The following COL6A6 variants were observed in gnomAD, a reference collection of about 807,000 sequenced individuals.
The protein encoded by COL6A6 is collagen type VI alpha 6 chain.
In COL6A6, 183 loss-of-function variants were observed where a neutral mutation model predicts 208.6. That is an observed-to-expected ratio of 0.88 (90% CI 0.78 to 0.99). The LOEUF is 0.99. Among genes scored for constraint, COL6A6 ranks in the 50% least tolerant of loss-of-function variants. The pLI, the probability that COL6A6 is intolerant of heterozygous loss-of-function variation, is 0.00. For synonymous variants in COL6A6, 973 were observed against 1,011.8 expected (o/e 0.96, Z 0.73); for missense variants, 2,816 against 2,815.2 (o/e 1.00, Z -0.01).
chr3:130,574,369 G>A lies in COL6A6; in HGVS notation c.3391G>A (p.Asp1131Asn), dbSNP rs1202254355. ...GGAAGCCCTGAGACACAGAGGTATC[G>A]ACATCTACTCCGTGGGCATTGGGGA... ...AAEALRHRGI[D>N]IYSVGIGDVD... Residue 1131 changes from aspartate to asparagine, a missense_variant, in exon 8 of 37, where the codon GAC becomes AAC. Asp to Asn is a conservative substitution (Grantham distance 23). Coordinates refer to ENST00000358511, the MANE Select transcript of COL6A6 (RefSeq NM_001102608.3). The A allele has an allele frequency of 3.1e-6, 5 of 1,614,004 alleles. No homozygotes were observed. Among genetic ancestry groups the A allele is most frequent in the Admixed American group, 1.7e-5 (1 of 60,030 alleles).
chr3:130,618,621 T>C (rs1424279811), intron 23 of COL6A6, among the ~76,000 whole-genome samples: 1 of 152,224 alleles, frequency 6.6e-6, no homozygotes, highest in African/African-American at 2.4e-5. Flanking sequence ...CCAGCAGTGT[T>C]TGAGTAGGTG....
In COL6A6 at chr3:130,673,216, AC is replaced by A. The variant is rs66684999; in HGVS notation, c.6597-1985del. 1.6e-4 allele frequency among the ~76,000 whole-genome samples: 15 copies of A among 94,170 alleles called. No homozygotes were observed. The South Asian group carries it at 2.4e-3, about 15-fold the overall frequency. The allele number at this position is 94,170 out of a possible 152,430, so 61.8% of individuals were successfully genotyped here. On this transcript the variant is annotated intron_variant, in intron 36 of 36. Coordinates refer to ENST00000358511, the MANE Select transcript of COL6A6 (RefSeq NM_001102608.3). The stretch of plus-strand genomic sequence containing the variant: ...CAAAAAAACAAAAAAAACAAAAAAA[AC>A]AAAAAAAAAAAACAAAACCCAAGTG...
chr3:130,560,473 T>C (rs2062858420), intron 2 of COL6A6, 45 bp downstream of exon 2: 1 of 1,504,416 alleles, frequency 6.6e-7, no homozygotes, highest in Non-Finnish European at 9.2e-7. Flanking sequence ...TTATAGAAAA[T>C]AGATAATACA....
intron 33 of COL6A6, among the ~76,000 whole-genome samples, chr3:130,655,484 CAAAT>C (rs1398347413): frequency 6.6e-6 from 1 of 152,090 alleles, no homozygotes; most frequent in Non-Finnish European, 1.5e-5. Context: ...AAAAATTACT[CAAAT>C]AAACTTGAAG....
intron 10 of COL6A6, among the ~76,000 whole-genome samples, chr3:130,585,089 T>A (rs905619680): frequency 6.6e-6 from 1 of 152,242 alleles, no homozygotes; most frequent in Non-Finnish European, 1.5e-5. Flanking sequence ...AGCCAAGTCC[T>A]TGAACATTTA....
intron 1 of COL6A6, among the ~76,000 whole-genome samples, chr3:130,552,268 C>G (rs1302898373): frequency 6.6e-6 from 1 of 152,162 alleles, no homozygotes; most frequent in South Asian, 2.1e-4. Context: ...GCGTGGCTAT[C>G]TAAATCTCTT....
At chr3:130,580,198 G>T (rs1177023831) in intron 8 of COL6A6, among the ~76,000 whole-genome samples, 1 of 152,144 alleles carries the variant, frequency 6.6e-6, no homozygotes, top group Non-Finnish European at 1.5e-5. Context: ...AAACTTTCAA[G>T]CTCAAGACAG....
At chr3:130,533,272 A>AAAG (rs10692681) in intron 1 of COL6A6, among the ~76,000 whole-genome samples, 1 of 118,890 alleles carries the variant, frequency 8.4e-6, no homozygotes, top group African/African-American at 2.7e-5. Flanking sequence ...AAAAAAAAAA[A>AAAG]GCAAAAACGG....
intron 7 of COL6A6, among the ~76,000 whole-genome samples, 162 bp downstream of exon 7, chr3:130,571,555 C>T (rs566073423): frequency 1.4e-4 from 22 of 152,342 alleles, no homozygotes; most frequent in Non-Finnish European, 2.4e-4. Context: ...GTTGGAAAGA[C>T]CTTGGGCATA....
In COL6A6 at chr3:130,606,967, G is replaced by A. The variant is rs533837767; in HGVS notation, c.4689+1G>A. 22 of 1,606,550 alleles carry A rather than the reference G, an allele frequency of 1.4e-5. No individual in the cohort carries two copies. The South Asian group carries it at 2.2e-4, about 16-fold the overall frequency. ...CAGAAGGGGACATACAGGCCCACAG[G>A]TACAATGATTTTTCCCCTTAACTCC... On this transcript the variant is annotated splice_donor_variant, in intron 21 of 36. Transcript: ENST00000358511. LOFTEE classifies it high-confidence loss of function.
chr3:130,606,950 G>T lies in COL6A6; in HGVS notation c.4673G>T (p.Gly1558Val). The T allele has an allele frequency of 6.2e-7, 1 of 1,609,894 alleles. No homozygotes were observed. The highest frequency in any genetic ancestry group is 8.5e-7 in the Non-Finnish European group (1 of 1,178,174). Residue 1558 changes from glycine (G) to valine (V), a missense_variant, in exon 21 of 37, where the codon GGA becomes GTA. Coordinates refer to ENST00000358511, the MANE Select transcript of COL6A6 (RefSeq NM_001102608.3). ...RRKTAAHGRR[G>V]HTGPQGTAGI... ...TTTTAGGCAGCTCATGGCAGAAGGG[G>T]ACATACAGGCCCACAGGTACAATGA...
chr3:130,595,149 G>A (rs191361599), intron 18 of COL6A6, among the ~76,000 whole-genome samples: 91 of 151,582 alleles, frequency 6.0e-4, no homozygotes, highest in Non-Finnish European at 4.6e-4. Flanking sequence ...GCCCTTGCAG[G>A]AGCACAACCC....
Position 130,675,391 on chromosome 3 carries a change from T to A in COL6A6, c.6786T>A (p.His2262Gln). ...GRMIESAPKQ[H>Q]D is the part of the protein sequence containing the mutation. ...TGATAGAAAGTGCTCCCAAACAACATGATTAAAAAAATGCTTGAACAACTT... is the reference window on the plus strand; with the variant it reads ...TGATAGAAAGTGCTCCCAAACAACAAGATTAAAAAAATGCTTGAACAACTT... The change falls in exon 37 of 37, where the codon CAT becomes CAA. Residue 2262 changes from histidine to glutamine, a missense_variant. Physicochemically the swap from His to Gln is conservative, Grantham distance 24. Transcript: ENST00000358511. The A allele has an allele frequency of 1.9e-6, 3 of 1,572,816 alleles. No homozygotes were observed. Among genetic ancestry groups the A allele is most frequent in the African/African-American group, 2.7e-5 (2 of 73,340 alleles).
At chr3:130,584,393 T>C (rs371914028) in intron 10 of COL6A6, among the ~76,000 whole-genome samples, 1 of 151,968 alleles carries the variant, frequency 6.6e-6, no homozygotes, top group South Asian at 2.1e-4. Flanking sequence ...TAAACACCAA[T>C]TGATGTACAA....
intron 1 of COL6A6, among the ~76,000 whole-genome samples, chr3:130,533,253 T>TTGAA (rs745978217): frequency 7.7e-6 from 1 of 129,530 alleles, no homozygotes; most frequent in Non-Finnish European, 1.6e-5. Flanking sequence ...TCCCAGGAAT[T>TTGAA]AAAAAAAAAA....
chr3:130,646,771 A>G (rs926955902), intron 32 of COL6A6, among the ~76,000 whole-genome samples: 5 of 152,236 alleles, frequency 3.3e-5, no homozygotes, highest in Non-Finnish European at 1.5e-5. Flanking sequence ...AGCTTTGCAC[A>G]TTATAAGGAG....
Position 130,568,562 on chromosome 3 carries a change from A to T in COL6A6, c.2359A>T (p.Ile787Phe), listed in dbSNP as rs776862405. 1 of 1,606,544 alleles carries T rather than the reference A, an allele frequency of 6.2e-7. No individual in the cohort carries two copies. Among genetic ancestry groups the T allele is most frequent in the Non-Finnish European group, 8.5e-7 (1 of 1,179,730 alleles). ...YVENFDILQR[I>F]EDDLVFGICS... ...TGAGAATTTTGACATTCTGCAGCGC[A>T]TTGAAGATGATCTTGTTTTTGGAAT... Residue 787 changes from isoleucine (I) to phenylalanine (F), a missense_variant, in exon 6 of 37, where the codon ATT (isoleucine) becomes TTT (phenylalanine). Physicochemically the swap from Ile to Phe is conservative, Grantham distance 21. Coordinates refer to ENST00000358511, the MANE Select transcript of COL6A6 (RefSeq NM_001102608.3).
Position 130,649,567 on chromosome 3 carries a change from G to A in COL6A6, c.5733+5G>A, listed in dbSNP as rs1016665992. On this transcript the variant is annotated splice_donor_5th_base_variant and intron_variant, in intron 33 of 36. Coordinates refer to ENST00000358511, the MANE Select transcript of COL6A6 (RefSeq NM_001102608.3). ...TCGGTCAGGCGCGCATTTGCGGTAT[G>A]AGGATGAAACCTTTCACATGACAAT... 1.3e-6 allele frequency: 2 copies of A among 1,570,076 alleles called. No homozygotes were observed. Among genetic ancestry groups the A allele is most frequent in the Admixed American group, 3.6e-5 (2 of 56,022 alleles).
At chr3:130,647,962 A>G (rs2065510098) in intron 32 of COL6A6, among the ~76,000 whole-genome samples, 1 of 152,244 alleles carries the variant, frequency 6.6e-6, no homozygotes, top group Non-Finnish European at 1.5e-5. Flanking sequence ...TTCATTCAGC[A>G]TTTGTTAGAT....
Sources: allele counts gnomAD v4.1 joint callset (sites outside exome capture counted in the v4.1 genomes callset), GRCh38; gene constraint gnomAD v4.1.1; transcripts MANE v1.5; gene names NCBI Gene and HGNC (gene_info 2026-07-23, HGNC 2026-07-21).